Variants in VIT observed in about 807,000 individuals in gnomAD.
The protein encoded by VIT is vitrin.
VIT carries 99 observed loss-of-function variants against 78.0 expected under a neutral mutation model. The ratio of observed to expected loss-of-function variants is 1.27; its 90% CI spans 1.08 to 1.50. The LOEUF (loss-of-function observed/expected upper bound fraction) is 1.50, where lower values mean the gene tolerates loss of function less well. Ranked by LOEUF, VIT falls within the 40% of genes most tolerant of loss-of-function variation. The probability of loss-of-function intolerance (pLI) is 0.00; values close to 1 mark genes in which losing one functional copy is unlikely to be tolerated. For missense variants in VIT, 1,126 were observed against 875.3 expected (o/e 1.29, Z -3.61); for synonymous variants, 374 against 334.3 (o/e 1.12, Z -1.29).
chr2:36,731,374 A>C (rs1304737337), intron 3 of VIT, among the ~76,000 whole-genome samples: 1 of 152,046 alleles, frequency 6.6e-6, no homozygotes, highest in Non-Finnish European at 1.5e-5. Flanking sequence ...CCCGGGTTCA[A>C]GTGATTCTTC....
At chr2:36,785,322 A>G (rs1665019285) in intron 11 of VIT, among the ~76,000 whole-genome samples, 1 of 152,014 alleles carries the variant, frequency 6.6e-6, no homozygotes, top group Non-Finnish European at 1.5e-5. Flanking sequence ...AGTCTAGCAA[A>G]CTGTAGGTGC....
intron 12 of VIT, among the ~76,000 whole-genome samples, chr2:36,790,705 C>T (rs927665307): frequency 1.2e-4 from 18 of 152,246 alleles, no homozygotes; most frequent in Admixed American, 4.6e-4. Flanking sequence ...ACAAAATTGT[C>T]GTGAAAGCAG....
intron 11 of VIT, among the ~76,000 whole-genome samples, chr2:36,786,780 G>T (rs1665125695): frequency 6.6e-6 from 1 of 152,226 alleles, no homozygotes; most frequent in African/African-American, 2.4e-5. Context: ...ACTCAGTCTT[G>T]ATGAATTCTC....
intron 7 of VIT, among the ~76,000 whole-genome samples, chr2:36,769,337 G>A (rs570561330): frequency 6.6e-6 from 1 of 152,202 alleles, no homozygotes; most frequent in Non-Finnish European, 1.5e-5. Context: ...GGCTCTGCTG[G>A]TGGAAAACCT....
intron 2 of VIT, among the ~76,000 whole-genome samples, chr2:36,717,518 G>A (rs1249926884): frequency 6.6e-6 from 1 of 152,018 alleles, no homozygotes; most frequent in Admixed American, 6.6e-5. Flanking sequence ...TTACAGGCAT[G>A]AGCCACCGCA....
chr2:36,799,232 G>A (rs138956878), intron 12 of VIT, among the ~76,000 whole-genome samples: 82 of 152,300 alleles, frequency 5.4e-4, no homozygotes, highest in Admixed American at 2.7e-3. Flanking sequence ...GAAGCGGGGA[G>A]GCAGACACTT....
intron 5 of VIT, among the ~76,000 whole-genome samples, chr2:36,755,931 G>A (rs992135833): frequency 6.1e-5 from 9 of 148,568 alleles, no homozygotes; most frequent in African/African-American, 2.2e-4. Flanking sequence ...ACATGTTCAC[G>A]GTAGTGCTTG....
Position 36,743,221 on chromosome 2 carries a change from A to T in VIT, c.240A>T (p.Ala80=). ...KYHVYGTDVY[A]SYSSVCGAAV... ...ATGTTTATGGCACTGACGTGTATGC[A>T]TCCTACTCCAGTGTGTGTGGCGCTG... is the stretch of plus-strand genomic sequence containing the variant. Residue 80 remains alanine, a synonymous_variant, in exon 4 of 16, where the codon GCA becomes GCT. Transcript: ENST00000379242. 6.2e-7 allele frequency: 1 copy of T among 1,614,054 alleles called. No individual in the cohort carries two copies. Among genetic ancestry groups the T allele is most frequent in the Non-Finnish European group, 8.5e-7 (1 of 1,179,934 alleles).
chr2:36,774,694 T>C, intron 8 of VIT: 2 of 985,418 alleles, frequency 2.0e-6, no homozygotes, highest in Non-Finnish European at 2.4e-6. Context: ...ATGCACATGC[T>C]GTTGTCCTGG....
At chr2:36,715,609 T>C (rs148478898) in intron 1 of VIT, among the ~76,000 whole-genome samples, 11 of 152,128 alleles carry the variant, frequency 7.2e-5, no homozygotes, top group African/African-American at 2.6e-4. Context: ...TGGATGTATG[T>C]TGGATTTACT....
At position 36,808,441 on chromosome 2, in the gene VIT, G is replaced by T. The variant is rs370502868; in HGVS notation, c.1390-31G>T. 1.2e-5 allele frequency: 19 copies of T among 1,572,296 alleles called. No individual in the cohort carries two copies. The African/African-American group carries it at 2.2e-4, about 18-fold the overall frequency. ...TGACACTGGAGGATTTGACCCTGAC[G>T]TGGCGTGGGTCCCTCCCCTCTGTCT... On this transcript the variant is annotated intron_variant, in intron 14 of 15. Coordinates refer to ENST00000379242, the MANE Select transcript of VIT (RefSeq NM_053276.4).
chr2:36,743,988 T>G (rs1401559403), intron 4 of VIT, among the ~76,000 whole-genome samples: 1 of 152,142 alleles, frequency 6.6e-6, no homozygotes, highest in Non-Finnish European at 1.5e-5. Context: ...TTCCCCAGTA[T>G]CTGTTGTTCC....
At chr2:36,811,358 G>A (rs562418910) in intron 15 of VIT, among the ~76,000 whole-genome samples, 19 of 152,276 alleles carry the variant, frequency 1.2e-4, no homozygotes, top group South Asian at 1.0e-3. Context: ...CTAGATGTAC[G>A]TCTTTTGGGC....
intron 3 of VIT, 140 bp from the exon 4 acceptor site, chr2:36,742,960 T>TTTCA (rs1220503149): frequency 1.2e-5 from 12 of 1,034,370 alleles, no homozygotes; most frequent in Non-Finnish European, 1.5e-5. Context: ...ACATCTTTGC[T>TTTCA]TTCATTATAG....
intron 3 of VIT, among the ~76,000 whole-genome samples, chr2:36,732,192 G>A (rs527612130): frequency 2.6e-5 from 4 of 152,264 alleles, no homozygotes; most frequent in African/African-American, 7.2e-5. Context: ...CAAAAATCAC[G>A]AAAGGTTCCA....
At chr2:36,809,457 G>A (rs945731234) in intron 15 of VIT, among the ~76,000 whole-genome samples, 4 of 152,068 alleles carry the variant, frequency 2.6e-5, no homozygotes, top group Non-Finnish European at 5.9e-5. Flanking sequence ...TCACTCAGTC[G>A]TCCAGGCTGT....
chr2:36,795,325 A>ACAAG (rs1219746883), intron 12 of VIT, among the ~76,000 whole-genome samples: 1 of 151,884 alleles, frequency 6.6e-6, no homozygotes, highest in African/African-American at 2.4e-5. Context: ...CTAAGGTCAA[A>ACAAG]CAAGACAACA....
intron 2 of VIT, among the ~76,000 whole-genome samples, chr2:36,726,949 A>T (rs13408329): frequency 0.021 from 3,178 of 151,924 alleles, 141 homozygotes; most frequent in African/African-American, 0.073. Context: ...ATTTCATCTT[A>T]TGTGCTTGAA....
rs999575225 is a variant in VIT, at chr2:36,774,933, G to A, written c.737-69G>A. 5 of 1,596,060 alleles carry A rather than the reference G, an allele frequency of 3.1e-6. No homozygotes were observed. The Admixed American group carries it at 8.6e-5, about 28-fold the overall frequency. On this transcript the variant is annotated intron_variant, in intron 8 of 15. Coordinates refer to ENST00000379242, the MANE Select transcript of VIT (RefSeq NM_053276.4). ...CTGAACTAAGGTAATTTTCACCGGGGGCAAAATAAGGAAAGAAAGCAGCCT... is the reference window on the plus strand; with the variant it reads ...CTGAACTAAGGTAATTTTCACCGGGAGCAAAATAAGGAAAGAAAGCAGCCT...
Sources: allele counts gnomAD v4.1 joint callset (sites outside exome capture counted in the v4.1 genomes callset), GRCh38; gene constraint gnomAD v4.1.1; transcripts MANE v1.5; gene names NCBI Gene and HGNC (gene_info 2026-07-23, HGNC 2026-07-21).